Variants in TRAK2 observed in about 807,000 individuals in gnomAD.
The protein encoded by TRAK2 is trafficking kinesin-binding protein 2.
In TRAK2, 81 loss-of-function variants were observed where a neutral mutation model predicts 104.6. The observed-to-expected ratio is 0.77, with a 90% confidence interval of 0.65 to 0.93. The LOEUF (loss-of-function observed/expected upper bound fraction) is 0.93, where lower values mean the gene tolerates loss of function less well. Ranked by LOEUF, TRAK2 falls within the 40% of genes least tolerant of loss-of-function variation. TRAK2 has a pLI of 0.00. For missense variants in TRAK2, 1,002 were observed against 1,089.0 expected, an observed-to-expected ratio of 0.92 and a Z score of 1.12; for synonymous variants, 406 against 394.4, an observed-to-expected ratio of 1.03 and a Z score of -0.35.
Position 201,447,873 on chromosome 2 carries a change from T to C in TRAK2, c.-200+3477A>G, listed in dbSNP as rs1415677656. On this transcript the variant is annotated intron_variant, in intron 1 of 15. Coordinates refer to ENST00000332624, the MANE Select transcript of TRAK2 (RefSeq NM_015049.3). This position sits in a 1 kb window ranked among gnomAD's most constrained non-coding sequence, Gnocchi z 4.1. ...CCTTCCCACTCCAGAGTAACTTCAG[T>C]GTTCTTTCTCTGTGCTCCCAAAGTA... Among the ~76,000 whole-genome samples the C allele has an allele frequency of 6.6e-6, 1 of 152,242 alleles. No homozygotes were observed. Among genetic ancestry groups the C allele is most frequent in the Non-Finnish European group, 1.5e-5 (1 of 68,042 alleles).
chr2:201,424,594 GTTTGTTTTTGTTTTTTT>G (rs1356069004), intron 1 of TRAK2, among the ~76,000 whole-genome samples: 1 of 149,734 alleles, frequency 6.7e-6, no homozygotes, highest in Admixed American at 6.6e-5. Flanking sequence ...TTTTTTGTTC[GTTTGTTTTTGTTTTTTT>G]TTTGTTTTTG....
chr2:201,427,822 CT>C (rs1951803710), intron 1 of TRAK2, among the ~76,000 whole-genome samples: 1 of 152,180 alleles, frequency 6.6e-6, no homozygotes, highest in South Asian at 2.1e-4. Context: ...TCCACATCCT[CT>C]CCAGCCACCT....
chr2:201,392,715 C>T (rs1341486568), intron 10 of TRAK2, among the ~76,000 whole-genome samples, 194 bp downstream of exon 10: 2 of 151,990 alleles, frequency 1.3e-5, no homozygotes, highest in South Asian at 2.1e-4. Context: ...GGAAAGTCAC[C>T]TGTTAGAATA....
chr2:201,411,286 T>C (rs1407021020), intron 2 of TRAK2: 10 of 741,246 alleles, frequency 1.3e-5, no homozygotes, highest in Non-Finnish European at 2.5e-5. Flanking sequence ...AATTTTTGTT[T>C]TTCTTCAAGT....
chr2:201,424,824 G>C (rs1162106457), intron 1 of TRAK2, among the ~76,000 whole-genome samples: 1 of 151,796 alleles, frequency 6.6e-6, no homozygotes, highest in Non-Finnish European at 1.5e-5. Context: ...AGCCAGGATG[G>C]TCTCGATCTC....
At chr2:201,441,880 T>TG (rs1951927554) in intron 1 of TRAK2, among the ~76,000 whole-genome samples, 1 of 151,166 alleles carries the variant, frequency 6.6e-6, no homozygotes, top group South Asian at 2.1e-4. Context: ...TTAGTAGAGA[T>TG]GGGGTTTCAC....
At chr2:201,432,987 A>G (rs1951854249) in intron 1 of TRAK2, among the ~76,000 whole-genome samples, 1 of 152,228 alleles carries the variant, frequency 6.6e-6, no homozygotes, top group Non-Finnish European at 1.5e-5. Flanking sequence ...AATCCAGACA[A>G]AAGATAAGCT....
At chr2:201,443,683 C>A (rs763129976) in intron 1 of TRAK2, among the ~76,000 whole-genome samples, 5 of 152,056 alleles carry the variant, frequency 3.3e-5, no homozygotes, top group African/African-American at 4.8e-5. Context: ...CACATCCAAT[C>A]CATTAACAAA....
chr2:201,397,514 C>G lies in TRAK2; in HGVS notation c.757G>C (p.Val253Leu). 6.2e-7 allele frequency: 1 copy of G among 1,612,240 alleles called. No individual in the cohort carries two copies. Among genetic ancestry groups the G allele is most frequent in the Non-Finnish European group, 8.5e-7 (1 of 1,178,834 alleles). ...EKEQQLVSDC[V>L]KELRETNAQM... ...TGTTAATACTCACGAAGTTCTTTAACACAGTCGCTGACAAGCTGTTGTTCC... is the reference window on the plus strand; with the variant it reads ...TGTTAATACTCACGAAGTTCTTTAAGACAGTCGCTGACAAGCTGTTGTTCC... Residue 253 changes from valine to leucine, a missense_variant, in exon 7 of 16, where the codon GTT (valine) becomes CTT (leucine). Transcript: ENST00000332624.
chr2:201,446,926 T>A (rs938797733), intron 1 of TRAK2, among the ~76,000 whole-genome samples: 7 of 152,202 alleles, frequency 4.6e-5, no homozygotes, highest in African/African-American at 1.4e-4. Context: ...AACAGCTATA[T>A]ACAAATTCTT....
At chr2:201,402,697 G>T (rs1951559721) in intron 3 of TRAK2, among the ~76,000 whole-genome samples, 1 of 152,052 alleles carries the variant, frequency 6.6e-6, no homozygotes, top group Non-Finnish European at 1.5e-5. Flanking sequence ...TTTACTTCTG[G>T]TCTCAATAAC....
At chr2:201,419,361 T>G (rs144217883) in intron 2 of TRAK2, 1 of 154,670 alleles carries the variant, frequency 6.5e-6, no homozygotes, top group Non-Finnish European at 1.5e-5. Flanking sequence ...TCTGCTACAA[T>G]AGCAGGGATG....
intron 2 of TRAK2, among the ~76,000 whole-genome samples, chr2:201,408,695 G>C (rs890778255): frequency 9.2e-5 from 14 of 152,186 alleles, no homozygotes; most frequent in Non-Finnish European, 1.2e-4. Context: ...TAAAAATAAA[G>C]TGAAAGAGGT....
chr2:201,387,242 G>A (rs1559437494), intron 13 of TRAK2, among the ~76,000 whole-genome samples: 1 of 152,134 alleles, frequency 6.6e-6, no homozygotes, highest in Admixed American at 6.5e-5. Context: ...TTTCTTAGGA[G>A]AGTATAGAAA....
intron 1 of TRAK2, among the ~76,000 whole-genome samples, chr2:201,437,770 C>T (rs561783039): frequency 3.6e-4 from 55 of 152,298 alleles, no homozygotes; most frequent in African/African-American, 1.2e-3. Context: ...GCTGATGTGG[C>T]TCTTAGAACG....
intron 2 of TRAK2, chr2:201,412,860 A>C (rs1030089765): frequency 2.5e-6 from 2 of 815,430 alleles, no homozygotes; most frequent in African/African-American, 3.4e-5. Context: ...TGGTTTCTAC[A>C]TCATAAAGTT....
Position 201,420,595 on chromosome 2 carries a change from TG to T in TRAK2, c.-89del. 1.8e-6 allele frequency: 2 copies of T among 1,115,476 alleles called. No individual in the cohort carries two copies. The highest frequency in any genetic ancestry group is 4.7e-5 in the East Asian group (2 of 42,158). 69.1% of individuals were successfully genotyped at this position (1,115,476 alleles called of 1,614,324 possible). Reference sequence around the variant, plus strand: ...TCCATCAAGCCATTCAATAATGAAATGGATTTGGTCACATGGATATTTTCTT... The same window carrying T: ...TCCATCAAGCCATTCAATAATGAAATGATTTGGTCACATGGATATTTTCTT... On this transcript the variant is annotated 5_prime_UTR_variant, in exon 2 of 16. The change creates a premature stop within an existing upstream ORF in the 5' untranslated region. Coordinates refer to ENST00000332624, the MANE Select transcript of TRAK2 (RefSeq NM_015049.3).
chr2:201,392,653 T>A lies in TRAK2; in HGVS notation c.1113+256A>T, dbSNP rs111650808. On this transcript the variant is annotated intron_variant, in intron 10 of 15. Transcript: ENST00000332624. ...TAACTAGTTCTATGGTACACAGTCC[T>A]AAACTGAATTTCCTTAGGGCTCATC... 6.3e-3 allele frequency among the ~76,000 whole-genome samples: 960 copies of A among 152,292 alleles called. 13 individuals are homozygous for A. The highest frequency in any genetic ancestry group is 0.021 in the African/African-American group (888 of 41,556).
intron 7 of TRAK2, among the ~76,000 whole-genome samples, chr2:201,396,150 T>C (rs1024585894): frequency 1.3e-5 from 2 of 152,204 alleles, no homozygotes; most frequent in Middle Eastern, 3.2e-3. Context: ...CTCAGTGTCA[T>C]GTAAAGCTAT....
Sources: gnomAD v4.1 joint callset for allele counts (sites outside exome capture counted in the v4.1 genomes callset) on GRCh38, gnomAD v4.1.1 for gene constraint, Gnocchi (gnomAD v3.1) non-coding constraint, MANE v1.5 for transcripts, NCBI Gene and HGNC (gene_info 2026-07-23, HGNC 2026-07-21) for gene names.